SLC25A48: variants seen among roughly 807,000 people sequenced by gnomAD.
The protein encoded by SLC25A48 is solute carrier family 25 member 48, also known as CTC-321K16.1.
SLC25A48 carries 29 observed loss-of-function variants against 32.2 expected under a neutral mutation model. That is an observed-to-expected ratio of 0.90 (90% CI 0.67 to 1.23). SLC25A48 has a LOEUF of 1.23. Ranked by LOEUF, SLC25A48 falls within the 50% of genes most tolerant of loss-of-function variation. The probability of loss-of-function intolerance (pLI) is 0.00; values close to 1 mark genes in which losing one functional copy is unlikely to be tolerated. For synonymous variants in SLC25A48, 164 were observed against 172.3 expected, an observed-to-expected ratio of 0.95 and a Z score of 0.38; for missense variants, 399 against 422.7, an observed-to-expected ratio of 0.94 and a Z score of 0.49.
chr5:135,767,052 A>G (rs1286334398), intron 3 of SLC25A48, among the ~76,000 whole-genome samples: 1 of 151,744 alleles, frequency 6.6e-6, no homozygotes, highest in Non-Finnish European at 1.5e-5. Context: ...CCCCTGTGAT[A>G]TTGTTCATAA....
At chr5:135,887,554 G>C (rs1762779430) in intron 7 of SLC25A48, among the ~76,000 whole-genome samples, 1 of 152,092 alleles carries the variant, frequency 6.6e-6, no homozygotes, top group Non-Finnish European at 1.5e-5. Flanking sequence ...CCACCACTTG[G>C]TGGCAGTAGA....
intron 4 of SLC25A48, among the ~76,000 whole-genome samples, chr5:135,867,576 C>A (rs541002120): frequency 2.6e-5 from 4 of 152,160 alleles, no homozygotes; most frequent in Non-Finnish European, 5.9e-5. Context: ...GAGATTTCTG[C>A]TGTTTTCCAG....
intron 4 of SLC25A48, among the ~76,000 whole-genome samples, chr5:135,866,640 A>G (rs1446333588): frequency 6.6e-6 from 1 of 152,218 alleles, no homozygotes; most frequent in East Asian, 1.9e-4. Flanking sequence ...TCTACCTCTA[A>G]GGGACCTCCC....
intron 7 of SLC25A48, among the ~76,000 whole-genome samples, chr5:135,886,671 TGTGAGAGAGAGAGAGA>T (rs1278425221): frequency 8.1e-5 from 8 of 98,644 alleles, no homozygotes; most frequent in Admixed American, 4.0e-4. Context: ...TGTGTGTGTG[TGTGAGAGAGAGAGAGA>T]GAGAGAGAGA....
chr5:135,632,796 C>T (rs2126909019), intron 2 of SLC25A48, among the ~76,000 whole-genome samples: 1 of 152,296 alleles, frequency 6.6e-6, no homozygotes, highest in African/African-American at 2.4e-5. Flanking sequence ...ATTACAAAGC[C>T]TTCAGCAGTG....
In SLC25A48 at chr5:135,852,688, G is replaced by A. The variant is rs994493433; in HGVS notation, c.288G>A (p.Glu96=). The A allele has an allele frequency of 5.6e-6, 9 of 1,614,108 alleles. No homozygotes were observed. Among genetic ancestry groups the A allele is most frequent in the Non-Finnish European group, 6.8e-6 (8 of 1,179,984 alleles). The stretch of plus-strand genomic sequence containing the variant: ...GCCAGCACCGCTGCGGGGAGCCAGA[G>A]GCCAGTCCTCCCCGCACGCTGTCAG... The part of the protein sequence containing the change: ...FLSQHRCGEP[E]ASPPRTLSDL... The change falls in exon 4 of 8, where the codon GAG becomes GAA. Residue 96 remains glutamate, a synonymous_variant. Transcript: ENST00000681962.
chr5:135,689,713 T>A (rs79140468), intron 3 of SLC25A48, among the ~76,000 whole-genome samples: 6,016 of 152,296 alleles, frequency 0.04, 383 homozygotes, highest in African/African-American at 0.13. Flanking sequence ...GAGATGAGCT[T>A]GAAAGTGCCT....
chr5:135,763,570 G>C (rs1159738758), intron 3 of SLC25A48, among the ~76,000 whole-genome samples: 1 of 151,958 alleles, frequency 6.6e-6, no homozygotes, highest in East Asian at 1.9e-4. Flanking sequence ...GGAATCCCTC[G>C]AGGAGGGGAA....
chr5:135,618,793 C>A (rs1012074581), intron 1 of SLC25A48, among the ~76,000 whole-genome samples: 1 of 151,794 alleles, frequency 6.6e-6, no homozygotes, highest in Non-Finnish European at 1.5e-5. Flanking sequence ...TAGTTTCTTT[C>A]TTTTAGCACT....
At chr5:135,648,029 T>C (rs948213716) in intron 3 of SLC25A48, among the ~76,000 whole-genome samples, 2 of 152,222 alleles carry the variant, frequency 1.3e-5, no homozygotes, top group African/African-American at 4.8e-5. Flanking sequence ...GGCTCAGGCC[T>C]GTGTGGCCTG....
At chr5:135,855,731 A>G (rs1263999127) in intron 4 of SLC25A48, among the ~76,000 whole-genome samples, 1 of 152,240 alleles carries the variant, frequency 6.6e-6, no homozygotes, top group Non-Finnish European at 1.5e-5. Flanking sequence ...AGCTAGCCCC[A>G]GCTGAGCTGG....
rs140120504 is a variant in SLC25A48, at chr5:135,801,262, T to G, written c.-520-11261T>G. On this transcript the variant is annotated intron_variant, in intron 3 of 10. Coordinates refer to the SLC25A48 transcript ENST00000646290. ...ACCCCCTGTGATATTGTTTGTAATATCCGGAAGGGTAGGGAATGATATTAC... is the reference window on the plus strand; with the variant it reads ...ACCCCCTGTGATATTGTTTGTAATAGCCGGAAGGGTAGGGAATGATATTAC... Among the ~76,000 whole-genome samples the G allele has an allele frequency of 4.6e-5, 7 of 150,978 alleles. No individual in the cohort carries two copies. In the East Asian group the frequency reaches 1.4e-3, roughly 30 times the overall value.
chr5:135,606,755 C>T (rs1482932830), intron 1 of SLC25A48, among the ~76,000 whole-genome samples: 3 of 152,230 alleles, frequency 2.0e-5, no homozygotes, highest in Non-Finnish European at 4.4e-5. Context: ...AGCATCACTA[C>T]TAGAGGTGTC....
chr5:135,605,790 A>G (rs753978766), intron 1 of SLC25A48, among the ~76,000 whole-genome samples: 7 of 152,224 alleles, frequency 4.6e-5, no homozygotes, highest in Non-Finnish European at 8.8e-5. Context: ...TATTTATTAC[A>G]GTACCAGATA....
intron 4 of SLC25A48, among the ~76,000 whole-genome samples, chr5:135,818,319 C>G (rs1454834150): frequency 6.6e-6 from 1 of 152,162 alleles, no homozygotes; most frequent in Non-Finnish European, 1.5e-5. Context: ...AAGCAGTCCT[C>G]TAATTCTGTG....
intron 3 of SLC25A48, among the ~76,000 whole-genome samples, chr5:135,710,600 C>T (rs1754629479): frequency 6.6e-6 from 1 of 152,190 alleles, no homozygotes; most frequent in Non-Finnish European, 1.5e-5. Context: ...ACAGTTTGCT[C>T]CTCTGTGCAA....
chr5:135,828,029 G>C (rs1337849070), intron 4 of SLC25A48, among the ~76,000 whole-genome samples: 1 of 152,232 alleles, frequency 6.6e-6, no homozygotes, highest in African/African-American at 2.4e-5. Context: ...ACCCAAGGAG[G>C]GCCGAGAGCC....
intron 2 of SLC25A48, among the ~76,000 whole-genome samples, chr5:135,845,801 T>C (rs1157162487): frequency 6.6e-6 from 1 of 152,192 alleles, no homozygotes; most frequent in East Asian, 1.9e-4. Context: ...GGGACTCACC[T>C]GTGGAAGAAC....
intron 5 of SLC25A48, chr5:135,872,146 A>G: frequency 2.1e-6 from 1 of 482,890 alleles, no homozygotes; most frequent in Non-Finnish European, 3.2e-6. Context: ...CCCAGGTCAT[A>G]CAGCTGGAGC....
Sources: gnomAD v4.1 joint callset for allele counts (sites outside exome capture counted in the v4.1 genomes callset) on GRCh38, gnomAD v4.1.1 for gene constraint, MANE v1.5 for transcripts, NCBI Gene and HGNC (gene_info 2026-07-23, HGNC 2026-07-21) for gene names.